Variants in RAB8B observed in about 807,000 individuals in gnomAD.
The protein encoded by RAB8B is RAB8B, member RAS oncogene family, also known as ras-related protein Rab-8B.
RAB8B carries 11 observed loss-of-function variants against 32.0 expected under a neutral mutation model. That is an observed-to-expected ratio of 0.34 (90% CI 0.22 to 0.57). RAB8B has a LOEUF of 0.57. Among genes scored for constraint, RAB8B ranks in the 20% least tolerant of loss-of-function variants. RAB8B has a pLI of 0.86. For synonymous variants in RAB8B, 103 were observed against 89.6 expected, an observed-to-expected ratio of 1.15 and a Z score of -0.85; for missense variants, 190 against 258.5, an observed-to-expected ratio of 0.73 and a Z score of 1.82.
intron 6 of RAB8B, among the ~76,000 whole-genome samples, chr15:63,260,113 G>A (rs562361443): frequency 6.6e-6 from 1 of 152,200 alleles, no homozygotes; most frequent in Non-Finnish European, 1.5e-5. Flanking sequence ...AATTACAGGC[G>A]TGAGCCACCA....
At position 63,223,605 on chromosome 15, in the gene RAB8B, T is replaced by C. The variant is rs114745534; in HGVS notation, c.125-21151T>C. The stretch of plus-strand genomic sequence containing the variant: ...TAGGTGTGTAGTACATGCTATGATG[T>C]TTGCACAAAGACGAAACCACCTAAA... On this transcript the variant is annotated intron_variant, in intron 1 of 7. Transcript: ENST00000321437. Among the ~76,000 whole-genome samples the C allele has an allele frequency of 2.7e-3, 409 of 152,294 alleles. 3 individuals are homozygous for C. Among genetic ancestry groups the C allele is most frequent in the African/African-American group, 8.1e-3 (336 of 41,552 alleles).
Position 63,203,679 on chromosome 15 carries a change from G to A in RAB8B, c.124+13931G>A, listed in dbSNP as rs539307223. On this transcript the variant is annotated intron_variant, in intron 1 of 7. Coordinates refer to ENST00000321437, the MANE Select transcript of RAB8B (RefSeq NM_016530.3). ...ATTAACATTATTCATGGATTGACCC[G>A]TTTAATTCTTGCAACGCGTCTTAGT... Among the ~76,000 whole-genome samples the A allele has an allele frequency of 3.7e-3, 559 of 152,288 alleles. 4 individuals carry two copies. Among genetic ancestry groups the A allele is most frequent in the Non-Finnish European group, 7.0e-3 (478 of 68,032 alleles).
chr15:63,209,692 T>C (rs914055454), intron 1 of RAB8B, among the ~76,000 whole-genome samples: 20 of 152,158 alleles, frequency 1.3e-4, no homozygotes, highest in Non-Finnish European at 2.2e-4. Context: ...TTTCTGATGA[T>C]TCTGAAATTA....
At chr15:63,204,490 C>T (rs891969039) in intron 1 of RAB8B, among the ~76,000 whole-genome samples, 2 of 152,126 alleles carry the variant, frequency 1.3e-5, no homozygotes, top group Non-Finnish European at 1.5e-5. Flanking sequence ...CAAATGTTTC[C>T]ATTTAAATAT....
At chr15:63,202,268 A>G (rs978017154) in intron 1 of RAB8B, among the ~76,000 whole-genome samples, 1 of 132,822 alleles carries the variant, frequency 7.5e-6, no homozygotes, top group African/African-American at 2.8e-5. Context: ...ACAGAGCGAG[A>G]CTCCGTCTCA....
chr15:63,223,648 G>A (rs929226494), intron 1 of RAB8B, among the ~76,000 whole-genome samples: 2 of 152,116 alleles, frequency 1.3e-5, no homozygotes, highest in Non-Finnish European at 2.9e-5. Flanking sequence ...TTTCCAGAAC[G>A]TCTGGTTGTT....
At chr15:63,228,671 A>G (rs971061751) in intron 1 of RAB8B, among the ~76,000 whole-genome samples, 13 of 152,364 alleles carry the variant, frequency 8.5e-5, no homozygotes, top group Admixed American at 2.6e-4. Flanking sequence ...GCAGTCCCCA[A>G]TTCACACTAG....
At chr15:63,238,761 A>T (rs1024821538) in intron 1 of RAB8B, among the ~76,000 whole-genome samples, 1 of 152,076 alleles carries the variant, frequency 6.6e-6, no homozygotes, top group Non-Finnish European at 1.5e-5. Context: ...AGCTCCAGGG[A>T]TAGGACTTGA....
At position 63,264,908 on chromosome 15, in the gene RAB8B, T is replaced by C. The variant is rs1460469215; in HGVS notation, c.*1289T>C. 6.6e-6 allele frequency: 1 copy of C among 152,670 alleles called. No homozygotes were observed. The highest frequency in any genetic ancestry group is 2.4e-5 in the African/African-American group (1 of 41,466). 9.5% of individuals were successfully genotyped at this position (152,670 alleles called of 1,614,324 possible). A position where few individuals can be genotyped will look rare whatever the true frequency, so the allele number is the denominator to read the frequency against. The stretch of plus-strand genomic sequence containing the variant: ...TTGTTACAGAACTTAGTCCAGTCAT[T>C]TGGGCTAAAGCCAACCAAAAGCTTA... On this transcript the variant is annotated 3_prime_UTR_variant, in exon 8 of 8. Coordinates refer to ENST00000321437, the MANE Select transcript of RAB8B (RefSeq NM_016530.3).
chr15:63,197,706 T>C (rs1310905785), intron 1 of RAB8B, among the ~76,000 whole-genome samples: 4 of 152,138 alleles, frequency 2.6e-5, no homozygotes. Context: ...TTCAATATGT[T>C]GGCATAGTAT....
rs938752225 is a variant in RAB8B, at chr15:63,259,989, C to T, written c.480+297C>T. Among the ~76,000 whole-genome samples the T allele has an allele frequency of 2.0e-5, 3 of 152,176 alleles. No homozygotes were observed. Among genetic ancestry groups the T allele is most frequent in the African/African-American group, 7.2e-5 (3 of 41,444 alleles). ...AGCTGGTACTATAGGTGTGCATCAC[C>T]ACGCCCAGCTAATTTTTGTATTTTT... On this transcript the variant is annotated intron_variant, in intron 6 of 7. Coordinates refer to ENST00000321437, the MANE Select transcript of RAB8B (RefSeq NM_016530.3). This position sits in a 1 kb window ranked among gnomAD's most constrained non-coding sequence, Gnocchi z 4.4.
intron 3 of RAB8B, among the ~76,000 whole-genome samples, chr15:63,251,861 G>A (rs1595749252): frequency 6.6e-6 from 1 of 152,000 alleles, no homozygotes; most frequent in East Asian, 1.9e-4. Flanking sequence ...GTCGGTTGCC[G>A]GGCCCACCAT....
At chr15:63,214,365 C>T (rs757210957) in intron 1 of RAB8B, among the ~76,000 whole-genome samples, 6 of 143,406 alleles carry the variant, frequency 4.2e-5, no homozygotes, top group Non-Finnish European at 9.0e-5. Flanking sequence ...GATCTCGGCT[C>T]ACTGTAGCCT....
intron 1 of RAB8B, among the ~76,000 whole-genome samples, chr15:63,244,450 A>G (rs1286791960): frequency 6.6e-6 from 1 of 152,180 alleles, no homozygotes; most frequent in Non-Finnish European, 1.5e-5. Context: ...GTACTTCAGG[A>G]AGTAGGAAAT....
intron 1 of RAB8B, among the ~76,000 whole-genome samples, chr15:63,209,522 C>T (rs371834525): frequency 8.0e-5 from 12 of 149,682 alleles, no homozygotes; most frequent in East Asian, 2.0e-4. Context: ...ACCCGGGAGG[C>T]GGAGGTTGCA....
Position 63,260,563 on chromosome 15 carries a change from GT to G in RAB8B, c.480+875del, listed in dbSNP as rs1443751374. Among the ~76,000 whole-genome samples, 25 of 152,138 alleles carry G rather than the reference GT, an allele frequency of 1.6e-4. 1 individual carries two copies. Among genetic ancestry groups the G allele is most frequent in the Admixed American group, 1.2e-3 (18 of 15,302 alleles). ...ACCATCTAAAGTCTTATGAGAATAG[GT>G]TTTCTTCAATACCTAACGTAGATGA... On this transcript the variant is annotated intron_variant, in intron 6 of 7. Transcript: ENST00000321437.
At chr15:63,238,076 C>T (rs1375380509) in intron 1 of RAB8B, among the ~76,000 whole-genome samples, 1 of 152,068 alleles carries the variant, frequency 6.6e-6, no homozygotes, top group East Asian at 1.9e-4. Context: ...GTTCTCTGTT[C>T]TGTTCCACTG....
intron 4 of RAB8B, among the ~76,000 whole-genome samples, chr15:63,255,971 C>T (rs1198743577): frequency 6.6e-6 from 1 of 152,230 alleles, no homozygotes; most frequent in Non-Finnish European, 1.5e-5. Flanking sequence ...CAACAATTAT[C>T]TCTTTACCTT....
intron 1 of RAB8B, among the ~76,000 whole-genome samples, chr15:63,216,231 A>AATTT (rs1555422035): frequency 2.3e-5 from 1 of 44,164 alleles, no homozygotes; most frequent in African/African-American, 5.9e-5. Flanking sequence ...TTAATTAATT[A>AATTT]TTATTTTTTT....
Sources: gnomAD v4.1 joint callset for allele counts (sites outside exome capture counted in the v4.1 genomes callset) on GRCh38, gnomAD v4.1.1 for gene constraint, Gnocchi (gnomAD v3.1) non-coding constraint, MANE v1.5 for transcripts, NCBI Gene and HGNC (gene_info 2026-07-23, HGNC 2026-07-21) for gene names.